The following COL23A1 variants were observed in gnomAD, a reference collection of about 807,000 sequenced individuals.
COL23A1 encodes collagen alpha-1(XXIII) chain.
COL23A1 carries 97 observed loss-of-function variants against 99.3 expected under a neutral mutation model. The observed-to-expected ratio is 0.98, with a 90% confidence interval of 0.83 to 1.16. COL23A1 has a LOEUF of 1.16. Among genes scored for constraint, COL23A1 ranks in the 50% most tolerant of loss-of-function variants. The pLI is 0.00. For synonymous variants in COL23A1, 320 were observed against 308.2 expected, an observed-to-expected ratio of 1.04 and a Z score of -0.40; for missense variants, 762 against 757.4, an observed-to-expected ratio of 1.01 and a Z score of -0.07.
At chr5:178,410,993 G>A (rs563630020) in intron 2 of COL23A1, among the ~76,000 whole-genome samples, 5 of 152,042 alleles carry the variant, frequency 3.3e-5, no homozygotes, top group Non-Finnish European at 5.9e-5. Context: ...GACTTGAATC[G>A]ACATTTTGCT....
chr5:178,485,208 C>T (rs1459128791), intron 2 of COL23A1, among the ~76,000 whole-genome samples: 1 of 152,170 alleles, frequency 6.6e-6, no homozygotes, highest in African/African-American at 2.4e-5. Context: ...TGTGGTGGCT[C>T]ACGCCTGTAA....
At chr5:178,403,143 A>AAAAAAAAAAC (rs1764563888) in intron 2 of COL23A1, among the ~76,000 whole-genome samples, 1 of 146,890 alleles carries the variant, frequency 6.8e-6, no homozygotes, top group African/African-American at 2.5e-5. Context: ...AAAAATAAAT[A>AAAAAAAAAAC]CCATTTACCG....
intron 2 of COL23A1, among the ~76,000 whole-genome samples, chr5:178,355,037 G>A (rs994011894): frequency 1.4e-5 from 2 of 145,294 alleles, no homozygotes; most frequent in African/African-American, 2.6e-5. Flanking sequence ...CAGCCTGGGA[G>A]ACAGGTGAGA....
chr5:178,493,818 G>A (rs1367036687), intron 2 of COL23A1, among the ~76,000 whole-genome samples: 1 of 152,202 alleles, frequency 6.6e-6, no homozygotes, highest in Non-Finnish European at 1.5e-5. Context: ...ATGCACTGAG[G>A]ACCCCTGGCC....
chr5:178,370,669 G>T (rs1182897589), intron 2 of COL23A1, among the ~76,000 whole-genome samples: 1 of 151,928 alleles, frequency 6.6e-6, no homozygotes, highest in Admixed American at 6.6e-5. Flanking sequence ...GATCAGCCTG[G>T]GTAACACGGT....
intron 2 of COL23A1, among the ~76,000 whole-genome samples, chr5:178,504,462 G>A (rs1186595882): frequency 6.6e-6 from 1 of 152,176 alleles, no homozygotes; most frequent in Non-Finnish European, 1.5e-5. Context: ...ACAGGCAACA[G>A]GTGGGACCCT....
chr5:178,553,091 G>C (rs1762092854), intron 2 of COL23A1, among the ~76,000 whole-genome samples: 1 of 151,144 alleles, frequency 6.6e-6, no homozygotes, highest in Admixed American at 6.6e-5. Flanking sequence ...GATCACTTGA[G>C]CTCAGGAGTT....
Position 178,589,603 on chromosome 5 carries a change from C to T in COL23A1, c.294+301G>A, listed in dbSNP as rs1247744457. Among the ~76,000 whole-genome samples the T allele has an allele frequency of 6.6e-6, 1 of 152,206 alleles. No homozygotes were observed. Among genetic ancestry groups the T allele is most frequent in the Non-Finnish European group, 1.5e-5 (1 of 68,040 alleles). ...AAGCGGCGTGTCCGAGCGCACACCC[C>T]GTGGAGACTGACCCTAGGTCTGTTA... On this transcript the variant is annotated intron_variant, in intron 1 of 28. Transcript: ENST00000390654. This position sits in a 1 kb window ranked among gnomAD's most constrained non-coding sequence, Gnocchi z 5.4.
At chr5:178,537,091 T>C (rs1761008142) in intron 2 of COL23A1, among the ~76,000 whole-genome samples, 1 of 152,216 alleles carries the variant, frequency 6.6e-6, no homozygotes, top group South Asian at 2.1e-4. Context: ...ACCTCTGAGC[T>C]GTGGAACACA....
chr5:178,349,351 A>C (rs1291826607), intron 2 of COL23A1, among the ~76,000 whole-genome samples: 1 of 152,188 alleles, frequency 6.6e-6, no homozygotes, highest in African/African-American at 2.4e-5. Context: ...GCAGAGGCCC[A>C]CTGCGGCGGG....
rs143178550 is a variant in COL23A1 at position 178,537,053 on chromosome 5, C to G, written c.361+23629G>C. On this transcript the variant is annotated intron_variant, in intron 2 of 28. Transcript: ENST00000390654. ...CCTGCTTACCTTCCAGAGACACATA[C>G]GGCACTGGCCTGGGCCAGACTCCTC... is the stretch of plus-strand genomic sequence containing the variant. Among the ~76,000 whole-genome samples, 31 of 152,372 alleles carry G rather than the reference C, an allele frequency of 2.0e-4. No individual in the cohort carries two copies. The East Asian group carries it at 5.8e-3, about 28-fold the overall frequency.
intron 1 of COL23A1, among the ~76,000 whole-genome samples, chr5:178,583,699 G>A (rs576695675): frequency 6.6e-6 from 1 of 152,326 alleles, no homozygotes; most frequent in Admixed American, 6.5e-5. Context: ...TGAATCTGGA[G>A]TTGCTGGAAG....
intron 2 of COL23A1, among the ~76,000 whole-genome samples, chr5:178,522,746 C>T (rs1441423841): frequency 2.0e-5 from 3 of 152,108 alleles, no homozygotes; most frequent in East Asian, 1.9e-4. Context: ...TCCAAGAAAG[C>T]GCTAAGCACC....
chr5:178,326,279 G>A (rs1296662661), intron 2 of COL23A1, among the ~76,000 whole-genome samples: 2 of 152,264 alleles, frequency 1.3e-5, no homozygotes, highest in Middle Eastern at 3.4e-3. Context: ...CTGGCTCTGG[G>A]GAATGCGTGT....
chr5:178,326,976 C>T (rs931636475), intron 2 of COL23A1, among the ~76,000 whole-genome samples: 3 of 152,208 alleles, frequency 2.0e-5, no homozygotes, highest in Non-Finnish European at 4.4e-5. Context: ...CCTTGGCCTC[C>T]CAAAGTGCCG....
intron 2 of COL23A1, among the ~76,000 whole-genome samples, chr5:178,469,321 C>T (rs962944647): frequency 2.0e-5 from 3 of 152,172 alleles, no homozygotes; most frequent in Non-Finnish European, 4.4e-5. Context: ...ACCCCTGGGA[C>T]ACTGCGCAGT....
intron 2 of COL23A1, among the ~76,000 whole-genome samples, chr5:178,314,795 G>A (rs1261921715): frequency 6.6e-6 from 1 of 152,194 alleles, no homozygotes; most frequent in Non-Finnish European, 1.5e-5. Flanking sequence ...AGAAACTGAG[G>A]CACAGGGAGG....
chr5:178,328,202 C>T (rs1294404201), intron 2 of COL23A1, among the ~76,000 whole-genome samples: 1 of 152,210 alleles, frequency 6.6e-6, no homozygotes, highest in African/African-American at 2.4e-5. Context: ...ATCCTTCCTG[C>T]CATCCACTCC....
intron 2 of COL23A1, among the ~76,000 whole-genome samples, chr5:178,523,223 G>GAGAC (rs1562051949): frequency 8.7e-6 from 1 of 115,088 alleles, no homozygotes; most frequent in East Asian, 2.5e-4. Context: ...GAGAGAGAGA[G>GAGAC]AGACAGAGGG....
Sources: gnomAD v4.1 joint callset for allele counts (sites outside exome capture counted in the v4.1 genomes callset) on GRCh38, gnomAD v4.1.1 for gene constraint, Gnocchi (gnomAD v3.1) non-coding constraint, MANE v1.5 for transcripts, NCBI Gene and HGNC (gene_info 2026-07-23, HGNC 2026-07-21) for gene names.